ADGRB3: variants seen among roughly 807,000 people sequenced by gnomAD.
The protein encoded by ADGRB3 is adhesion G protein-coupled receptor B3, also known as brain-specific angiogenesis inhibitor 3.
In ADGRB3, 37 loss-of-function variants were observed where a neutral mutation model predicts 193.4. That is an observed-to-expected ratio of 0.19 (90% CI 0.15 to 0.25). The LOEUF is 0.25. Among genes scored for constraint, ADGRB3 ranks in the 10% least tolerant of loss-of-function variants. The pLI is 1.00. For synonymous variants in ADGRB3, 690 were observed against 644.2 expected (o/e 1.07, Z -1.08); for missense variants, 1,637 against 1,852.9 (o/e 0.88, Z 2.14).
intron 3 of ADGRB3, among the ~76,000 whole-genome samples, chr6:68,918,893 C>T (rs73747854): frequency 0.037 from 5,676 of 151,980 alleles, 320 homozygotes; most frequent in African/African-American, 0.13. Flanking sequence ...TATATTTTAC[C>T]GCAGCGTAGT....
At chr6:68,657,237 C>T (rs1768510808) in intron 3 of ADGRB3, among the ~76,000 whole-genome samples, 1 of 151,200 alleles carries the variant, frequency 6.6e-6, no homozygotes, top group Non-Finnish European at 1.5e-5. Flanking sequence ...AAAAAATTTC[C>T]CCAAGTGCTA....
intron 23 of ADGRB3, among the ~76,000 whole-genome samples, chr6:69,331,158 G>C (rs1487605854): frequency 6.6e-6 from 1 of 152,006 alleles, no homozygotes; most frequent in Non-Finnish European, 1.5e-5. Flanking sequence ...TTTTCCAATG[G>C]TCCCGGGGGG....
At chr6:69,014,251 A>G (rs1469413684) in intron 12 of ADGRB3, 145 bp downstream of exon 12, 7 of 560,614 alleles carry the variant, frequency 1.2e-5, no homozygotes, top group Admixed American at 7.3e-5. Context: ...GAGGAAACAA[A>G]TGATCGTTAC....
At chr6:69,070,971 A>G (rs1187092678) in intron 16 of ADGRB3, among the ~76,000 whole-genome samples, 3 of 152,196 alleles carry the variant, frequency 2.0e-5, no homozygotes, top group African/African-American at 7.2e-5. Flanking sequence ...AGACAAAAGT[A>G]CTATCCACTC....
intron 3 of ADGRB3, among the ~76,000 whole-genome samples, chr6:68,649,734 G>C (rs957590331): frequency 6.6e-6 from 1 of 152,254 alleles, no homozygotes; most frequent in Middle Eastern, 3.4e-3. Context: ...GTTACCTTGT[G>C]ATACATTGAG....
intron 3 of ADGRB3, among the ~76,000 whole-genome samples, chr6:68,656,185 A>G (rs1465634887): frequency 2.0e-5 from 3 of 151,636 alleles, no homozygotes; most frequent in Non-Finnish European, 3.0e-5. Context: ...TTAAAAGATC[A>G]TACTGTTTTA....
intron 17 of ADGRB3, among the ~76,000 whole-genome samples, chr6:69,208,411 A>C (rs1375784013): frequency 6.6e-6 from 1 of 152,168 alleles, no homozygotes; most frequent in African/African-American, 2.4e-5. Context: ...CAGCCAAACC[A>C]TTGGCTACAG....
intron 3 of ADGRB3, among the ~76,000 whole-genome samples, chr6:68,691,584 T>G (rs959309311): frequency 1.3e-5 from 2 of 152,070 alleles, no homozygotes; most frequent in Non-Finnish European, 2.9e-5. Flanking sequence ...TTAAATGCAT[T>G]GACTTTTGTT....
rs972073892 is a variant in ADGRB3, at chr6:69,050,671, G to A, written c.2333+1325G>A. Reference sequence around the variant, plus strand: ...AGTCACTTATTTCAACAGGGAATTCGTTTATATAAAGCTTATATTTTAAGA... The same window carrying A: ...AGTCACTTATTTCAACAGGGAATTCATTTATATAAAGCTTATATTTTAAGA... On this transcript the variant is annotated intron_variant, in intron 15 of 31. Coordinates refer to ENST00000370598, the MANE Select transcript of ADGRB3 (RefSeq NM_001704.3). Among the ~76,000 whole-genome samples, 6 of 152,048 alleles carry A rather than the reference G, an allele frequency of 3.9e-5. No individual in the cohort carries two copies. In the South Asian group the frequency reaches 8.3e-4, roughly 21 times the overall value.
At chr6:69,196,141 A>G (rs887270178) in intron 17 of ADGRB3, among the ~76,000 whole-genome samples, 47 of 152,284 alleles carry the variant, frequency 3.1e-4, no homozygotes, top group South Asian at 1.4e-3. Flanking sequence ...TTAAACCTTC[A>G]TATTATAAAT....
intron 17 of ADGRB3, among the ~76,000 whole-genome samples, chr6:69,094,546 G>GATTGA (rs1483886390): frequency 6.6e-6 from 1 of 152,174 alleles, no homozygotes; most frequent in African/African-American, 2.4e-5. Flanking sequence ...GAGGATGAAA[G>GATTGA]ATTGAATTAT....
intron 3 of ADGRB3, among the ~76,000 whole-genome samples, chr6:68,786,276 T>C (rs1394917878): frequency 1.3e-5 from 2 of 152,118 alleles, no homozygotes; most frequent in East Asian, 1.9e-4. Context: ...CTAGGGTTTT[T>C]ATGGTTTGAG....
intron 17 of ADGRB3, among the ~76,000 whole-genome samples, chr6:69,187,736 C>T (rs1765100414): frequency 6.6e-6 from 1 of 152,206 alleles, no homozygotes; most frequent in Non-Finnish European, 1.5e-5. Flanking sequence ...CTTTCAAGAA[C>T]TCACCCATCT....
chr6:69,235,273 G>A (rs1766235414), intron 19 of ADGRB3, 138 bp downstream of exon 19: 5 of 704,648 alleles, frequency 7.1e-6, no homozygotes, highest in African/African-American at 1.8e-5. Context: ...TATAATTGGT[G>A]TGATTGAGCT....
intron 13 of ADGRB3, among the ~76,000 whole-genome samples, chr6:69,033,957 T>C (rs1027269158): frequency 1.3e-5 from 2 of 152,110 alleles, no homozygotes; most frequent in Non-Finnish European, 2.9e-5. Flanking sequence ...AAGGGAGTGA[T>C]TTATATTGGA....
intron 3 of ADGRB3, among the ~76,000 whole-genome samples, chr6:68,886,223 G>C (rs1041474786): frequency 6.6e-6 from 1 of 152,050 alleles, no homozygotes; most frequent in Non-Finnish European, 1.5e-5. Context: ...TTGCAAGCTG[G>C]TGTTTACCTT....
At position 68,744,500 on chromosome 6, in the gene ADGRB3, T is replaced by C. The variant is rs963186857; in HGVS notation, c.757+105068T>C. On this transcript the variant is annotated intron_variant, in intron 3 of 31. Transcript: ENST00000370598. ...TTGGAACCAGACCAAAAGCCCATCATTGATAGACTGGGTAAAGAAAATGTG... is the reference window on the plus strand; with the variant it reads ...TTGGAACCAGACCAAAAGCCCATCACTGATAGACTGGGTAAAGAAAATGTG... 5.3e-5 allele frequency among the ~76,000 whole-genome samples: 8 copies of C among 152,248 alleles called. No individual in the cohort carries two copies. The East Asian group carries it at 9.7e-4, about 18-fold the overall frequency.
intron 3 of ADGRB3, among the ~76,000 whole-genome samples, chr6:68,733,463 A>AATCC (rs1320553950): frequency 6.6e-6 from 1 of 151,862 alleles, no homozygotes; most frequent in East Asian, 1.9e-4. Flanking sequence ...AGATGGAAAT[A>AATCC]ATAGACAGTG....
chr6:68,791,343 A>G (rs890245988), intron 3 of ADGRB3, among the ~76,000 whole-genome samples: 1 of 152,232 alleles, frequency 6.6e-6, no homozygotes, highest in African/African-American at 2.4e-5. Context: ...CAAGTATAAA[A>G]GTGTGTGTTC....
Sources: allele counts gnomAD v4.1 joint callset (sites outside exome capture counted in the v4.1 genomes callset), GRCh38; gene constraint gnomAD v4.1.1; transcripts MANE v1.5; gene names NCBI Gene and HGNC (gene_info 2026-07-23, HGNC 2026-07-21).